SPOCK3: variants seen among roughly 807,000 people sequenced by gnomAD.
SPOCK3 encodes the protein SPARC (osteonectin), cwcv and kazal like domains proteoglycan 3.
Under a neutral mutation model 56.6 loss-of-function variants are expected in SPOCK3, and 30 were observed. The observed-to-expected ratio is 0.53, with a 90% CI of 0.40 to 0.72. The LOEUF (loss-of-function observed/expected upper bound fraction) is 0.72. SPOCK3 is among the 30% of genes least tolerant of loss of function. SPOCK3 has a pLI of 0.00. For missense variants in SPOCK3, 527 were observed against 530.0 expected (o/e 0.99, Z 0.06); for synonymous variants, 196 against 183.3 (o/e 1.07, Z -0.56).
intron 2 of SPOCK3, among the ~76,000 whole-genome samples, chr4:167,114,236 T>C (rs1761149646): frequency 6.6e-6 from 1 of 152,088 alleles, no homozygotes; most frequent in African/African-American, 2.4e-5. Flanking sequence ...AGTCAGTACT[T>C]GAAGAGCCAA....
At position 167,182,108 on chromosome 4, in the gene SPOCK3, G is replaced by A. The variant is rs373821147; in HGVS notation, c.189+51877C>T. Reference sequence around the variant, plus strand: ...CTTTCTAAATAACTCATTGTAGAGAGTTACAATTTGTAAAATTCTAGCAAT... The same window carrying A: ...CTTTCTAAATAACTCATTGTAGAGAATTACAATTTGTAAAATTCTAGCAAT... On this transcript the variant is annotated intron_variant, in intron 2 of 10. Coordinates refer to ENST00000357545, the MANE Select transcript of SPOCK3 (RefSeq NM_001040159.2). 2.0e-4 allele frequency among the ~76,000 whole-genome samples: 31 copies of A among 152,216 alleles called. No individual in the cohort carries two copies. In the South Asian group the frequency reaches 5.0e-3, roughly 24 times the overall value.
At chr4:167,134,040 T>C (rs549936028) in intron 2 of SPOCK3, among the ~76,000 whole-genome samples, 64 of 144,584 alleles carry the variant, frequency 4.4e-4, no homozygotes, top group Admixed American at 1.1e-3. Context: ...TTTTTTTTTT[T>C]TTTTTTGAGA....
intron 7 of SPOCK3, among the ~76,000 whole-genome samples, chr4:166,772,296 C>T (rs1221182628): frequency 2.0e-5 from 3 of 152,050 alleles, no homozygotes; most frequent in African/African-American, 7.2e-5. Context: ...GCAATGCTAT[C>T]TGCTGTATTT....
In SPOCK3 at chr4:167,021,412, C is replaced by T. The variant is rs187428780; in HGVS notation, c.236-20949G>A. Among the ~76,000 whole-genome samples the T allele has an allele frequency of 5.9e-5, 9 of 152,110 alleles. No homozygotes were observed. In the East Asian group the frequency reaches 1.4e-3, roughly 23 times the overall value. Reference sequence around the variant, plus strand: ...TCTATTAAAATCTTGTGATAGCCCACCCATCAGTCCTCTCACTGGAGATAT... The same window carrying T: ...TCTATTAAAATCTTGTGATAGCCCATCCATCAGTCCTCTCACTGGAGATAT... On this transcript the variant is annotated intron_variant, in intron 3 of 10. Transcript: ENST00000357545.
intron 2 of SPOCK3, among the ~76,000 whole-genome samples, chr4:167,120,748 A>G (rs1468632825): frequency 6.6e-6 from 1 of 151,922 alleles, no homozygotes; most frequent in Non-Finnish European, 1.5e-5. Context: ...TCATTTTAAC[A>G]GAAGTGCATT....
chr4:166,834,749 T>C (rs1197053169), intron 6 of SPOCK3, among the ~76,000 whole-genome samples: 1 of 152,208 alleles, frequency 6.6e-6, no homozygotes, highest in African/African-American at 2.4e-5. Context: ...CAGAATTCTA[T>C]ATTTTGCTTG....
intron 6 of SPOCK3, among the ~76,000 whole-genome samples, chr4:166,812,024 T>C (rs1054749487): frequency 2.6e-5 from 4 of 151,848 alleles, no homozygotes; most frequent in African/African-American, 9.7e-5. Context: ...TTGCATACTT[T>C]AACAAATATT....
intron 2 of SPOCK3, among the ~76,000 whole-genome samples, chr4:167,110,373 C>CT (rs376971248): frequency 1.4e-3 from 220 of 152,072 alleles, no homozygotes; most frequent in African/African-American, 4.9e-3. Flanking sequence ...ATGTACATTT[C>CT]TTTTTAGGTG....
intron 2 of SPOCK3, among the ~76,000 whole-genome samples, chr4:167,142,252 A>G (rs1020892111): frequency 2.0e-5 from 3 of 152,078 alleles, no homozygotes; most frequent in African/African-American, 7.2e-5. Flanking sequence ...AGACCCAGTC[A>G]AAAGAATAGT....
chr4:166,850,455 C>T (rs753628845), intron 6 of SPOCK3, among the ~76,000 whole-genome samples: 29 of 152,246 alleles, frequency 1.9e-4, no homozygotes, highest in Middle Eastern at 3.4e-3. Context: ...ATTTGAATTT[C>T]GGGAGGAGCC....
chr4:166,845,894 T>A (rs1425314177), intron 6 of SPOCK3, among the ~76,000 whole-genome samples: 1 of 152,188 alleles, frequency 6.6e-6, no homozygotes, highest in Non-Finnish European at 1.5e-5. Context: ...CATCACAGAA[T>A]GCACTTACCT....
rs76762635 is a variant in SPOCK3 at position 167,064,509 on chromosome 4, C to T, written c.190-1972G>A. On this transcript the variant is annotated intron_variant, in intron 2 of 10. Transcript: ENST00000357545. The stretch of plus-strand genomic sequence containing the variant: ...TCAAAACTTGAGCTGAGCAACGTAA[C>T]ATACTCATTTAATATCTTTTATTTT... 1.1e-4 allele frequency among the ~76,000 whole-genome samples: 16 copies of T among 151,928 alleles called. No homozygotes were observed. In the East Asian group the frequency reaches 2.9e-3, roughly 28 times the overall value.
intron 2 of SPOCK3, among the ~76,000 whole-genome samples, chr4:167,141,110 C>T (rs761669522): frequency 2.0e-5 from 3 of 151,956 alleles, no homozygotes; most frequent in Admixed American, 6.6e-5. Context: ...TAGCTCCTTG[C>T]TTAAGGTGAT....
At chr4:167,046,700 C>A (rs1236631019) in intron 3 of SPOCK3, among the ~76,000 whole-genome samples, 5 of 151,858 alleles carry the variant, frequency 3.3e-5, no homozygotes, top group Non-Finnish European at 7.4e-5. Context: ...CATAACCCAC[C>A]CACCTCGGCC....
chr4:167,026,845 G>A (rs974167178), intron 3 of SPOCK3, among the ~76,000 whole-genome samples: 31 of 140,426 alleles, frequency 2.2e-4, no homozygotes, highest in African/African-American at 3.2e-4. Flanking sequence ...TTTCTCAAGC[G>A]TCTGGCTTTT....
chr4:166,981,528 A>T (rs1406193611), intron 4 of SPOCK3, among the ~76,000 whole-genome samples: 1 of 152,100 alleles, frequency 6.6e-6, no homozygotes, highest in Non-Finnish European at 1.5e-5. Context: ...TGTTTGTGTG[A>T]GTCTGGCTGA....
intron 4 of SPOCK3, among the ~76,000 whole-genome samples, chr4:166,922,168 A>T (rs575998236): frequency 1.3e-5 from 2 of 152,168 alleles, no homozygotes; most frequent in South Asian, 4.2e-4. Context: ...TACCCAAACC[A>T]TCTCCCACTC....
chr4:166,923,090 G>C (rs932332452), intron 4 of SPOCK3, among the ~76,000 whole-genome samples: 1 of 152,182 alleles, frequency 6.6e-6, no homozygotes, highest in Non-Finnish European at 1.5e-5. Flanking sequence ...CTCTCCCAGT[G>C]GGGGGTTTCC....
At chr4:166,897,064 G>A (rs1560984687) in intron 5 of SPOCK3, among the ~76,000 whole-genome samples, 2 of 152,078 alleles carry the variant, frequency 1.3e-5, no homozygotes, top group Admixed American at 1.3e-4. Flanking sequence ...GTTTGTCCTG[G>A]TAAAAATTGC....
Sources: gnomAD v4.1 joint callset for allele counts (sites outside exome capture counted in the v4.1 genomes callset) on GRCh38, gnomAD v4.1.1 for gene constraint, MANE v1.5 for transcripts, NCBI Gene and HGNC (gene_info 2026-07-23, HGNC 2026-07-21) for gene names.